The following ABHD6 variants were observed in gnomAD, a reference collection of about 807,000 sequenced individuals.
The protein encoded by ABHD6 is monoacylglycerol lipase ABHD6.
In ABHD6, 33 loss-of-function variants were observed where a neutral mutation model predicts 38.8. The ratio of observed to expected loss-of-function variants is 0.85; its 90% CI spans 0.64 to 1.14. The LOEUF is 1.14. Among genes scored for constraint, ABHD6 ranks in the 50% most tolerant of loss-of-function variants. The probability of loss-of-function intolerance (pLI) is 0.00; values close to 1 mark genes in which losing one functional copy is unlikely to be tolerated. For missense variants in ABHD6, 380 were observed against 422.6 expected (o/e 0.90, Z 0.88); for synonymous variants, 147 against 161.6 (o/e 0.91, Z 0.69).
intron 9 of ABHD6, among the ~76,000 whole-genome samples, chr3:58,290,174 C>T (rs2097460993): frequency 1.9e-5 from 2 of 104,954 alleles, no homozygotes; most frequent in African/African-American, 4.2e-5. Flanking sequence ...GGGGCTGACC[C>T]CCCCACCTCC....
At position 58,269,568 on chromosome 3, in the gene ABHD6, G is replaced by A; in HGVS notation, c.390+134G>A. 1.5e-6 allele frequency: 1 copy of A among 673,052 alleles called. No homozygotes were observed. Among genetic ancestry groups the A allele is most frequent in the Non-Finnish European group, 2.6e-6 (1 of 391,938 alleles). 41.7% of individuals were successfully genotyped at this position (673,052 alleles called of 1,614,324 possible). On this transcript the variant is annotated intron_variant, in intron 5 of 9. Coordinates refer to ENST00000478253, the MANE Select transcript of ABHD6 (RefSeq NM_001320126.2). The surrounding 1 kb of genome is among the most constrained non-coding windows in gnomAD (Gnocchi z 4.4). ...CTGTACATTCTGTCTACAAGTGATG[G>A]CAAGCCAAATGGCAACCTGATGATA...
intron 1 of ABHD6, 61 bp downstream of exon 1, chr3:58,237,977 GC>G (rs2107404180): frequency 6.5e-6 from 1 of 152,672 alleles, no homozygotes; most frequent in Non-Finnish European, 1.5e-5. Flanking sequence ...CGCCCTGATG[GC>G]CCCGTGACCT....
In ABHD6 at chr3:58,273,897, A is replaced by G. The variant is rs376296166; in HGVS notation, c.524-761A>G. On this transcript the variant is annotated intron_variant, in intron 6 of 9. Coordinates refer to ENST00000478253, the MANE Select transcript of ABHD6 (RefSeq NM_001320126.2). This position sits in a 1 kb window ranked among gnomAD's most constrained non-coding sequence, Gnocchi z 4.8. ...CCCAGAACTTAAAGTAAAAAAAGAA[A>G]AAAAAATCTAATTATTTGGCTAAGC... Among the ~76,000 whole-genome samples the G allele has an allele frequency of 7.2e-5, 11 of 152,348 alleles. No homozygotes were observed. The highest frequency in any genetic ancestry group is 2.4e-4 in the African/African-American group (10 of 41,588).
At chr3:58,250,445 A>G (rs2097429171) in intron 2 of ABHD6, among the ~76,000 whole-genome samples, 1 of 152,074 alleles carries the variant, frequency 6.6e-6, no homozygotes, top group East Asian at 1.9e-4. Context: ...CAGAGTTCAC[A>G]TTTTATTTGG....
At chr3:58,242,933 C>T (rs2097423826) in intron 1 of ABHD6, among the ~76,000 whole-genome samples, 1 of 152,072 alleles carries the variant, frequency 6.6e-6, no homozygotes. Flanking sequence ...CAAGTGTTTT[C>T]ATTGTTCAAT....
Position 58,265,305 on chromosome 3 carries a change from T to G in ABHD6, c.120-1884T>G, listed in dbSNP as rs1169453442. On this transcript the variant is annotated intron_variant, in intron 3 of 9. Transcript: ENST00000478253. The surrounding 1 kb of genome is among the most constrained non-coding windows in gnomAD (Gnocchi z 4.2). ...ATCTTTTCTACTCTAAGGTACCTTT[T>G]CATTTATTTTGCCTAGTGTTGAATT... 2.0e-5 allele frequency among the ~76,000 whole-genome samples: 3 copies of G among 152,362 alleles called. No individual in the cohort carries two copies. The highest frequency in any genetic ancestry group is 2.9e-5 in the Non-Finnish European group (2 of 68,034).
intron 7 of ABHD6, 103 bp from the exon 8 acceptor site, chr3:58,284,982 A>T: frequency 9.4e-7 from 1 of 1,058,826 alleles, no homozygotes. Flanking sequence ...TTGACAGTGC[A>T]ATAAATTGCT....
chr3:58,294,087 G>T lies in ABHD6; in HGVS notation c.*322G>T. ...CCACCTTGGACCATAATTAAATCAA[G>T]GACATTTTCTTTGAGACATTCCTTA... is the stretch of plus-strand genomic sequence containing the variant. On this transcript the variant is annotated 3_prime_UTR_variant, in exon 10 of 10. Coordinates refer to ENST00000478253, the MANE Select transcript of ABHD6 (RefSeq NM_001320126.2). 4.6e-6 allele frequency: 1 copy of T among 217,648 alleles called. No individual in the cohort carries two copies. The highest frequency in any genetic ancestry group is 5.4e-5 in the Admixed American group (1 of 18,608). 13.5% of individuals were successfully genotyped at this position (217,648 alleles called of 1,614,324 possible).
In ABHD6 at chr3:58,238,270, A is replaced by AT. The variant is rs1440771624; in HGVS notation, c.-91+358dup. The AT allele has an allele frequency of 1.3e-5, 2 of 151,766 alleles. No individual in the cohort carries two copies. Among genetic ancestry groups the AT allele is most frequent in the African/African-American group, 4.9e-5 (2 of 41,160 alleles). 9.4% of individuals were successfully genotyped at this position (151,766 alleles called of 1,614,324 possible). ...AGGCGCCCCTCGCAGTGCCGAGAGGATTTTGGGGTCCTGCAGCCCTGTTTC... is the reference window on the plus strand; with the variant it reads ...AGGCGCCCCTCGCAGTGCCGAGAGGATTTTTGGGGTCCTGCAGCCCTGTTTC... On this transcript the variant is annotated intron_variant, in intron 1 of 9. Transcript: ENST00000478253. The surrounding 1 kb of genome is among the most constrained non-coding windows in gnomAD (Gnocchi z 6.9).
chr3:58,293,696 G>A lies in ABHD6; in HGVS notation c.945G>A (p.Lys315=). Residue 315 remains lysine (K), a synonymous_variant, in exon 10 of 10, where the codon AAG becomes AAA. Coordinates refer to ENST00000478253, the MANE Select transcript of ABHD6 (RefSeq NM_001320126.2). The surrounding 1 kb of genome is among the most constrained non-coding windows in gnomAD (Gnocchi z 4.4). ...CAGTAGTGATGGAAAGACCCAGGAA[G>A]ACAGCCAAGCTCATAATCGACTTTT... ...GHSVVMERPR[K]TAKLIIDFLA... 3 of 1,614,248 alleles carry A rather than the reference G, an allele frequency of 1.9e-6. No individual in the cohort carries two copies. The highest frequency in any genetic ancestry group is 2.5e-6 in the Non-Finnish European group (3 of 1,180,038).
chr3:58,249,267 C>G (rs541007351), intron 1 of ABHD6, among the ~76,000 whole-genome samples: 1 of 152,314 alleles, frequency 6.6e-6, no homozygotes, highest in South Asian at 2.1e-4. Flanking sequence ...ATAGAATTCT[C>G]ATGTTTCCTC....
chr3:58,252,229 G>GTTTTTTTT lies in ABHD6; in HGVS notation c.-26+2303_-26+2310dup, dbSNP rs10671892. Reference sequence around the variant, plus strand: ...GCATTTTTCTTTAAATTGACTGCTTGTTTTTTTTTTTTTTTTTTTTTTTGG... The same window carrying GTTTTTTTT: ...GCATTTTTCTTTAAATTGACTGCTTGTTTTTTTTTTTTTTTTTTTTTTTTTTTTTTTGG... On this transcript the variant is annotated intron_variant, in intron 2 of 9. Coordinates refer to ENST00000478253, the MANE Select transcript of ABHD6 (RefSeq NM_001320126.2). 2.7e-3 allele frequency among the ~76,000 whole-genome samples: 220 copies of GTTTTTTTT among 80,964 alleles called. 14 individuals carry two copies. The highest frequency in any genetic ancestry group is 4.8e-3 in the African/African-American group (93 of 19,280). The allele number at this position is 80,964 out of a possible 152,430, so 53.1% of individuals were successfully genotyped here.
At position 58,263,124 on chromosome 3, in the gene ABHD6, T is replaced by C. The variant is rs529678328; in HGVS notation, c.120-4065T>C. Among the ~76,000 whole-genome samples, 43 of 151,490 alleles carry C rather than the reference T, an allele frequency of 2.8e-4. No homozygotes were observed. Among genetic ancestry groups the C allele is most frequent in the African/African-American group, 9.2e-4 (38 of 41,256 alleles). On this transcript the variant is annotated intron_variant, in intron 3 of 9. Coordinates refer to ENST00000478253, the MANE Select transcript of ABHD6 (RefSeq NM_001320126.2). This position sits in a 1 kb window ranked among gnomAD's most constrained non-coding sequence, Gnocchi z 4.9. Reference sequence around the variant, plus strand: ...TTGGGAGGCTGAAGTGGGAGAATCGTTTGAAAGCAGAAGGTGGAGGTTGCA... The same window carrying C: ...TTGGGAGGCTGAAGTGGGAGAATCGCTTGAAAGCAGAAGGTGGAGGTTGCA...
chr3:58,287,510 A>G lies in ABHD6; in HGVS notation c.837+2057A>G, dbSNP rs2097458389. On this transcript the variant is annotated intron_variant, in intron 9 of 9. Transcript: ENST00000478253. The surrounding 1 kb of genome is among the most constrained non-coding windows in gnomAD (Gnocchi z 4.7). ...TGAGCCAGGCATGGTGAGGATTCAC[A>G]GCATGGTTTTGTGGACGTGGAGAGA... 6.6e-6 allele frequency among the ~76,000 whole-genome samples: 1 copy of G among 152,204 alleles called. No homozygotes were observed. Among genetic ancestry groups the G allele is most frequent in the South Asian group, 2.1e-4 (1 of 4,836 alleles).
At position 58,266,506 on chromosome 3, in the gene ABHD6, C is replaced by A. The variant is rs373378115; in HGVS notation, c.120-683C>A. Among the ~76,000 whole-genome samples, 1 of 151,128 alleles carries A rather than the reference C, an allele frequency of 6.6e-6. No homozygotes were observed. Among genetic ancestry groups the A allele is most frequent in the Non-Finnish European group, 1.5e-5 (1 of 67,890 alleles). Reference sequence around the variant, plus strand: ...TGTATGCTCTCACATTTTTTGTATGCGGATAAAAGTAAATGAATATATATC... The same window carrying A: ...TGTATGCTCTCACATTTTTTGTATGAGGATAAAAGTAAATGAATATATATC... On this transcript the variant is annotated intron_variant, in intron 3 of 9. Transcript: ENST00000478253. The surrounding 1 kb of genome is among the most constrained non-coding windows in gnomAD (Gnocchi z 4.0).
intron 7 of ABHD6, among the ~76,000 whole-genome samples, chr3:58,279,805 C>T (rs1440160781): frequency 1.3e-5 from 2 of 152,160 alleles, no homozygotes; most frequent in East Asian, 1.9e-4. Context: ...AATCTCTCAG[C>T]GTTTGCTTGT....
intron 7 of ABHD6, among the ~76,000 whole-genome samples, chr3:58,281,121 C>G (rs895815698): frequency 1.3e-5 from 2 of 152,216 alleles, no homozygotes; most frequent in African/African-American, 4.8e-5. Context: ...AACAACTGCT[C>G]TCTTCAGCGC....
At chr3:58,290,072 G>A (rs1294868024) in intron 9 of ABHD6, among the ~76,000 whole-genome samples, 2 of 127,548 alleles carry the variant, frequency 1.6e-5, no homozygotes, top group Non-Finnish European at 3.3e-5. Flanking sequence ...CGGACGGGGC[G>A]GCTGGCCGGG....
intron 7 of ABHD6, among the ~76,000 whole-genome samples, chr3:58,283,627 G>A (rs895113666): frequency 2.0e-5 from 3 of 152,224 alleles, no homozygotes; most frequent in African/African-American, 7.2e-5. Flanking sequence ...CCAGTGCACA[G>A]ATGATTTAGG....
Sources: allele counts gnomAD v4.1 joint callset (sites outside exome capture counted in the v4.1 genomes callset), GRCh38; gene constraint gnomAD v4.1.1; non-coding constraint Gnocchi (gnomAD v3.1); transcripts MANE v1.5; gene names NCBI Gene and HGNC (gene_info 2026-07-23, HGNC 2026-07-21).